CHCHD6: variants seen among roughly 807,000 people sequenced by gnomAD.
CHCHD6 encodes the protein MICOS complex subunit MIC25.
CHCHD6 carries 28 observed loss-of-function variants against 32.3 expected under a neutral mutation model. The ratio of observed to expected loss-of-function variants is 0.87; its 90% confidence interval spans 0.64 to 1.19. The LOEUF is 1.19. Among genes scored for constraint, CHCHD6 ranks in the 50% most tolerant of loss-of-function variants. The pLI is 0.00. For missense variants in CHCHD6, 333 were observed against 307.0 expected (o/e 1.08, Z -0.63); for synonymous variants, 122 against 117.5 (o/e 1.04, Z -0.25).
chr3:126,808,924 A>C (rs939451804), intron 4 of CHCHD6, among the ~76,000 whole-genome samples: 2 of 152,178 alleles, frequency 1.3e-5, no homozygotes, highest in Non-Finnish European at 2.9e-5. Flanking sequence ...GTCCGCAAGC[A>C]AAATGCATTG....
chr3:126,879,705 T>A (rs2077583899), intron 5 of CHCHD6, among the ~76,000 whole-genome samples: 1 of 152,212 alleles, frequency 6.6e-6, no homozygotes. Flanking sequence ...AGATATAGAC[T>A]ATATTAGAAG....
intron 4 of CHCHD6, among the ~76,000 whole-genome samples, chr3:126,745,880 G>C (rs959213509): frequency 6.6e-6 from 1 of 152,218 alleles, no homozygotes; most frequent in Non-Finnish European, 1.5e-5. Flanking sequence ...CCTTGGGCTT[G>C]TGAGGCTAAG....
chr3:126,936,947 C>T (rs1415928771), intron 6 of CHCHD6, among the ~76,000 whole-genome samples: 1 of 152,224 alleles, frequency 6.6e-6, no homozygotes, highest in African/African-American at 2.4e-5. Context: ...GGTCCCTTCC[C>T]TCCTTCACCC....
rs190633945 is a variant in CHCHD6 at position 126,908,052 on chromosome 3, T to C, written c.496-6628T>C. Among the ~76,000 whole-genome samples, 716 of 145,536 alleles carry C rather than the reference T, an allele frequency of 4.9e-3. 5 individuals are homozygous for C. Among genetic ancestry groups the C allele is most frequent in the African/African-American group, 0.016 (639 of 38,970 alleles). ...GGCGGTAATTCTTACCTTGAAATAC[T>C]GCTTTCAGCTTGCCGGGAATTGACC... On this transcript the variant is annotated intron_variant, in intron 5 of 7. Transcript: ENST00000290913.
chr3:126,734,159 A>G (rs1935938706), intron 4 of CHCHD6, among the ~76,000 whole-genome samples: 1 of 152,232 alleles, frequency 6.6e-6, no homozygotes, highest in African/African-American at 2.4e-5. Flanking sequence ...CCAGGTGCCC[A>G]TGGCTAAGCC....
At chr3:126,770,222 A>G (rs532946427) in intron 4 of CHCHD6, among the ~76,000 whole-genome samples, 3 of 152,306 alleles carry the variant, frequency 2.0e-5, no homozygotes, top group African/African-American at 7.2e-5. Context: ...GAAGTTGTTT[A>G]TCAGATCAGG....
chr3:126,811,584 G>A (rs1222143029), intron 4 of CHCHD6, among the ~76,000 whole-genome samples: 4 of 151,318 alleles, frequency 2.6e-5, no homozygotes, highest in African/African-American at 9.7e-5. Flanking sequence ...GCCCCAAGCT[G>A]TTTTCTATAC....
chr3:126,906,551 C>G (rs2078009536), intron 5 of CHCHD6, among the ~76,000 whole-genome samples: 2 of 152,196 alleles, frequency 1.3e-5, no homozygotes. Flanking sequence ...CATCCCAGAC[C>G]TCTCCCAGTC....
chr3:126,819,060 A>G (rs1576454689), intron 4 of CHCHD6, among the ~76,000 whole-genome samples: 2 of 152,116 alleles, frequency 1.3e-5, no homozygotes, highest in Non-Finnish European at 2.9e-5. Context: ...TCCCCACCCC[A>G]TGCATTCTAT....
At chr3:126,869,190 C>A (rs1276255804) in intron 5 of CHCHD6, among the ~76,000 whole-genome samples, 1 of 151,934 alleles carries the variant, frequency 6.6e-6, no homozygotes, top group Non-Finnish European at 1.5e-5. Context: ...AACAAATAGG[C>A]TCACAGTTTA....
At chr3:126,713,079 A>G (rs1358357770) in intron 1 of CHCHD6, among the ~76,000 whole-genome samples, 1 of 152,176 alleles carries the variant, frequency 6.6e-6, no homozygotes, top group Non-Finnish European at 1.5e-5. Flanking sequence ...GTTCAGGCCT[A>G]TACTATCTTC....
intron 4 of CHCHD6, among the ~76,000 whole-genome samples, chr3:126,827,347 C>G (rs552531257): frequency 4.6e-5 from 7 of 152,122 alleles, no homozygotes; most frequent in Non-Finnish European, 1.0e-4. Flanking sequence ...GGCTGCCATG[C>G]GTCATCTGGG....
chr3:126,958,401 C>T (rs1056771567), intron 7 of CHCHD6, among the ~76,000 whole-genome samples: 7 of 152,230 alleles, frequency 4.6e-5, no homozygotes, highest in East Asian at 1.9e-4. Context: ...TCCTTTCCCA[C>T]GTAAAAGCCT....
chr3:126,872,484 C>T (rs1037290250), intron 5 of CHCHD6, among the ~76,000 whole-genome samples: 4 of 152,268 alleles, frequency 2.6e-5, no homozygotes, highest in Non-Finnish European at 4.4e-5. Flanking sequence ...AGTCTAGGCT[C>T]GGGCTCAAGA....
At chr3:126,946,369 CCTTT>C (rs1183133086) in intron 6 of CHCHD6, among the ~76,000 whole-genome samples, 3 of 152,134 alleles carry the variant, frequency 2.0e-5, no homozygotes, top group African/African-American at 7.2e-5. Flanking sequence ...GAGGAATGGC[CCTTT>C]CTTCTTTCCG....
At chr3:126,954,560 A>G (rs900378297) in intron 6 of CHCHD6, among the ~76,000 whole-genome samples, 1 of 152,184 alleles carries the variant, frequency 6.6e-6, no homozygotes, top group Non-Finnish European at 1.5e-5. Flanking sequence ...AGTAAGCCTC[A>G]CAGAGTTACA....
intron 6 of CHCHD6, among the ~76,000 whole-genome samples, chr3:126,950,662 G>T (rs375405753): frequency 6.6e-6 from 1 of 152,172 alleles, no homozygotes; most frequent in African/African-American, 2.4e-5. Flanking sequence ...TGCTGGCCAG[G>T]TGGGTCTTGA....
At chr3:126,925,062 C>T (rs1489527906) in intron 6 of CHCHD6, among the ~76,000 whole-genome samples, 2 of 152,184 alleles carry the variant, frequency 1.3e-5, no homozygotes, top group Non-Finnish European at 2.9e-5. Context: ...TCAGGTGCAT[C>T]CAAATGCTCC....
At chr3:126,815,355 C>G (rs56337027) in intron 4 of CHCHD6, among the ~76,000 whole-genome samples, 30 of 151,240 alleles carry the variant, frequency 2.0e-4, no homozygotes, top group African/African-American at 6.6e-4. Context: ...GCCAGAGACT[C>G]TGAATTCTGC....
Sources: gnomAD v4.1 joint callset for allele counts (sites outside exome capture counted in the v4.1 genomes callset) on GRCh38, gnomAD v4.1.1 for gene constraint, MANE v1.5 for transcripts, NCBI Gene and HGNC (gene_info 2026-07-23, HGNC 2026-07-21) for gene names.